The following NBEA variants were observed in gnomAD, a reference collection of about 807,000 sequenced individuals.
The protein encoded by NBEA is neurobeachin, also known as lysosomal-trafficking regulator 2.
A neutral mutation model predicts 343.4 loss-of-function variants in NBEA; 44 were observed. That is an observed-to-expected ratio of 0.13 (90% CI 0.10 to 0.16). The LOEUF is 0.16. Among genes scored for constraint, NBEA ranks in the 10% least tolerant of loss-of-function variants. The pLI is 1.00. For missense variants in NBEA, 2,555 were observed against 3,631.3 expected (o/e 0.70, Z 7.62); for synonymous variants, 1,175 against 1,238.7 (o/e 0.95, Z 1.08).
chr13:34,996,281 A>T (rs1409467316), intron 1 of NBEA, among the ~76,000 whole-genome samples: 1 of 152,184 alleles, frequency 6.6e-6, no homozygotes, highest in African/African-American at 2.4e-5. Flanking sequence ...ATTGCATAAA[A>T]TTTTTAGAAA....
intron 45 of NBEA, among the ~76,000 whole-genome samples, chr13:35,575,103 T>C (rs1198199969): frequency 6.6e-6 from 1 of 152,182 alleles, no homozygotes; most frequent in Non-Finnish European, 1.5e-5. Flanking sequence ...CTTCATAATA[T>C]ACTCAATTCC....
At chr13:35,201,813 G>T (rs540430468) in intron 31 of NBEA, among the ~76,000 whole-genome samples, 9 of 152,130 alleles carry the variant, frequency 5.9e-5, no homozygotes, top group African/African-American at 1.9e-4. Context: ...CCCAGAAAAG[G>T]TGCATCTCCA....
At chr13:35,238,738 G>A (rs1281413068) in intron 34 of NBEA, among the ~76,000 whole-genome samples, 1 of 152,116 alleles carries the variant, frequency 6.6e-6, no homozygotes, top group Non-Finnish European at 1.5e-5. Context: ...GATGTTAGCA[G>A]TGCAGGAAAT....
intron 41 of NBEA, among the ~76,000 whole-genome samples, chr13:35,544,819 A>G (rs1237211049): frequency 2.0e-5 from 3 of 152,188 alleles, no homozygotes; most frequent in Non-Finnish European, 4.4e-5. Context: ...ATGCTTTAAT[A>G]TTCTTGCTTA....
chr13:35,060,126 T>C (rs2063413902), intron 8 of NBEA, among the ~76,000 whole-genome samples: 1 of 151,826 alleles, frequency 6.6e-6, no homozygotes, highest in African/African-American at 2.4e-5. Context: ...ATACTTGCAG[T>C]GTCTTTTTAA....
rs1320341515 is a variant in NBEA at position 35,061,433 on chromosome 13, T to C, written c.1239+2570T>C. Reference sequence around the variant, plus strand: ...TGGATCTCTATTTGGGGTTATTTAATGTCTTCAAGATTATAAAATCTTGTG... The same window carrying C: ...TGGATCTCTATTTGGGGTTATTTAACGTCTTCAAGATTATAAAATCTTGTG... On this transcript the variant is annotated intron_variant, in intron 8 of 58. Coordinates refer to ENST00000379939, the MANE Select transcript of NBEA (RefSeq NM_001385012.1). Among the ~76,000 whole-genome samples the C allele has an allele frequency of 2.0e-5, 3 of 151,878 alleles. No homozygotes were observed. In the East Asian group the frequency reaches 5.8e-4, roughly 29 times the overall value.
At chr13:35,456,396 A>G (rs1018967865) in intron 40 of NBEA, among the ~76,000 whole-genome samples, 4 of 152,076 alleles carry the variant, frequency 2.6e-5, no homozygotes, top group African/African-American at 9.6e-5. Context: ...CAATAAAGTA[A>G]TTATTATATT....
intron 44 of NBEA, among the ~76,000 whole-genome samples, chr13:35,561,517 A>C (rs1477660868): frequency 6.6e-6 from 1 of 152,182 alleles, no homozygotes; most frequent in Non-Finnish European, 1.5e-5. Context: ...CAAACTGTAC[A>C]TTATTATTAC....
chr13:35,164,257 G>A, intron 23 of NBEA, 99 bp from the exon 24 acceptor site: 1 of 975,670 alleles, frequency 1.0e-6, no homozygotes, highest in Non-Finnish European at 1.4e-6. Flanking sequence ...AATATAGCTA[G>A]CTCCTACAGT....
intron 1 of NBEA, among the ~76,000 whole-genome samples, chr13:35,024,336 A>T (rs547786112): frequency 1.3e-5 from 2 of 152,112 alleles, no homozygotes; most frequent in Non-Finnish European, 2.9e-5. Flanking sequence ...AACAATTTTT[A>T]TTCCTTTTGA....
intron 48 of NBEA, among the ~76,000 whole-genome samples, chr13:35,625,027 C>T (rs1245633680): frequency 6.6e-6 from 1 of 151,768 alleles, no homozygotes; most frequent in Non-Finnish European, 1.5e-5. Context: ...ACTTTATAAA[C>T]AAAAATAAGA....
intron 53 of NBEA, among the ~76,000 whole-genome samples, chr13:35,652,697 T>C (rs1216252704): frequency 3.5e-5 from 4 of 115,784 alleles, no homozygotes; most frequent in African/African-American, 6.0e-5. Flanking sequence ...TCTTTTTTTT[T>C]TTTTTTTTTT....
chr13:35,173,404 T>A, intron 26 of NBEA, 60 bp from the exon 27 acceptor site: 1 of 1,421,964 alleles, frequency 7.0e-7, no homozygotes, highest in Non-Finnish European at 9.4e-7. Context: ...CTTGCAACTT[T>A]TTCCAGGATA....
chr13:35,058,971 A>G (rs762038246), intron 8 of NBEA, 108 bp downstream of exon 8: 1 of 935,982 alleles, frequency 1.1e-6, no homozygotes, highest in Non-Finnish European at 1.5e-6. Flanking sequence ...AGTCATTTCT[A>G]TTTTTTGGAA....
Position 35,130,546 on chromosome 13 carries a change from C to A in NBEA, c.2336+6972C>A, listed in dbSNP as rs190935672. ...ACTAGGAATGTAAAAGTTTCAAATG[C>A]GTATACACTTAGTGTAGGTGAGTCG... On this transcript the variant is annotated intron_variant, in intron 17 of 58. Transcript: ENST00000379939. Among the ~76,000 whole-genome samples the A allele has an allele frequency of 2.6e-3, 393 of 151,788 alleles. 1 individual carries two copies. The highest frequency in any genetic ancestry group is 9.1e-3 in the African/African-American group (378 of 41,452).
intron 1 of NBEA, among the ~76,000 whole-genome samples, chr13:35,036,245 A>G (rs555098056): frequency 8.5e-5 from 13 of 152,204 alleles, no homozygotes; most frequent in Admixed American, 2.0e-4. Flanking sequence ...ACATAACACT[A>G]TTTGCATAAG....
chr13:35,236,807 C>T (rs2075260962), intron 34 of NBEA, among the ~76,000 whole-genome samples: 1 of 151,588 alleles, frequency 6.6e-6, no homozygotes, highest in Non-Finnish European at 1.5e-5. Flanking sequence ...CCTTTGAGTC[C>T]ATTTTCAGGC....
intron 10 of NBEA, among the ~76,000 whole-genome samples, chr13:35,088,507 A>G (rs1296435837): frequency 6.6e-6 from 1 of 151,888 alleles, no homozygotes; most frequent in African/African-American, 2.4e-5. Flanking sequence ...ATTTAGGAAA[A>G]TGCAAGGTGA....
At position 35,040,941 on chromosome 13, in the gene NBEA, T is replaced by C. The variant is rs761043789; in HGVS notation, c.303T>C (p.Gly101=). ...TTTCTGTTTACTTTCAGCTGGTTGG[T>C]GGAGAATTTGACTTGGAGATGAACT... ...IVETVLNLLV[G]GEFDLEMNFI... Residue 101 remains glycine (G), a synonymous_variant, in exon 2 of 59, where the codon GGT becomes GGC. Coordinates refer to ENST00000379939, the MANE Select transcript of NBEA (RefSeq NM_001385012.1). 3 of 1,612,706 alleles carry C rather than the reference T, an allele frequency of 1.9e-6. No homozygotes were observed. In the East Asian group the frequency reaches 6.7e-5, roughly 36 times the overall value.
Sources: gnomAD v4.1 joint callset for allele counts (sites outside exome capture counted in the v4.1 genomes callset) on GRCh38, gnomAD v4.1.1 for gene constraint, MANE v1.5 for transcripts, NCBI Gene and HGNC (gene_info 2026-07-23, HGNC 2026-07-21) for gene names.